Variants in GNG4 observed in about 807,000 individuals in gnomAD.
GNG4 encodes G protein subunit gamma 4.
A neutral mutation model predicts 5.8 loss-of-function variants in GNG4; 4 were observed. The observed-to-expected ratio is 0.69, with a 90% CI of 0.34 to 1.57. The LOEUF is 1.57. GNG4 is among the 40% of genes most tolerant of loss of function. The pLI is 0.06. For missense variants in GNG4, 96 were observed against 95.1 expected (o/e 1.01, Z -0.04); for synonymous variants, 29 against 32.9 (o/e 0.88, Z 0.41).
chr1:235,597,604 G>C (rs868439616), intron 1 of GNG4, among the ~76,000 whole-genome samples: 4,106 of 105,554 alleles, frequency 0.039, 159 homozygotes, highest in Non-Finnish European at 0.051. Flanking sequence ...GTGTGTGTGT[G>C]TGTGTGTGTG....
At chr1:235,636,624 T>G (rs1689045118) in intron 1 of GNG4, among the ~76,000 whole-genome samples, 1 of 152,182 alleles carries the variant, frequency 6.6e-6, no homozygotes, top group South Asian at 2.1e-4. Context: ...GCCTGTGCCC[T>G]GAGATGTTGG....
At chr1:235,569,857 C>T (rs949932354) in intron 3 of GNG4, among the ~76,000 whole-genome samples, 3 of 152,094 alleles carry the variant, frequency 2.0e-5, no homozygotes, top group Non-Finnish European at 2.9e-5. Flanking sequence ...CGAGCCACTG[C>T]GCCTGGCCTC....
intron 3 of GNG4, among the ~76,000 whole-genome samples, chr1:235,563,496 T>C (rs1023975195): frequency 2.0e-5 from 3 of 152,002 alleles, no homozygotes; most frequent in Non-Finnish European, 4.4e-5. Context: ...TGAAGTTATA[T>C]TGATTGATTC....
At chr1:235,584,209 G>A (rs940625315) in intron 2 of GNG4, among the ~76,000 whole-genome samples, 11 of 152,096 alleles carry the variant, frequency 7.2e-5, no homozygotes, top group Admixed American at 6.6e-5. Flanking sequence ...TTTCACACAC[G>A]TTTGCTCATT....
chr1:235,638,114 C>T (rs1392312569), intron 1 of GNG4, among the ~76,000 whole-genome samples: 1 of 152,224 alleles, frequency 6.6e-6, no homozygotes, highest in Admixed American at 6.5e-5. Flanking sequence ...GTTTTTAAAC[C>T]CCTTCCAGGC....
intron 1 of GNG4, among the ~76,000 whole-genome samples, chr1:235,643,050 T>C (rs1052555615): frequency 5.3e-5 from 8 of 152,130 alleles, no homozygotes; most frequent in African/African-American, 1.9e-4. Context: ...GGGGCACCCT[T>C]GGGCGTTATC....
At chr1:235,628,417 G>T (rs552120466) in intron 1 of GNG4, among the ~76,000 whole-genome samples, 2 of 135,134 alleles carry the variant, frequency 1.5e-5, no homozygotes, top group Non-Finnish European at 3.0e-5. Context: ...GTTAGGAGAC[G>T]GGGGGGGGTT....
chr1:235,613,850 G>A (rs1484057735), intron 1 of GNG4, among the ~76,000 whole-genome samples: 1 of 152,196 alleles, frequency 6.6e-6, no homozygotes, highest in Non-Finnish European at 1.5e-5. Flanking sequence ...CAGAGGAAGA[G>A]GGTGTGTGAA....
chr1:235,648,958 A>T lies in GNG4; in HGVS notation c.-123+704T>A, dbSNP rs115178564. On this transcript the variant is annotated intron_variant, in intron 1 of 3. Transcript: ENST00000391854. The surrounding 1 kb of genome is among the most constrained non-coding windows in gnomAD (Gnocchi z 5.0). ...CCCACCACGCTCTGTCCTCCTCCCC[A>T]CTTCACCCTCCCGCCGTTTCGCGTT... Among the ~76,000 whole-genome samples the T allele has an allele frequency of 0.027, 4,045 of 152,238 alleles. 194 individuals are homozygous for T. Among genetic ancestry groups the T allele is most frequent in the African/African-American group, 0.093 (3,875 of 41,538 alleles).
At chr1:235,598,527 T>C (rs1473193473) in intron 1 of GNG4, among the ~76,000 whole-genome samples, 2 of 152,246 alleles carry the variant, frequency 1.3e-5, no homozygotes, top group Admixed American at 6.5e-5. Flanking sequence ...GAGGATCGCC[T>C]GAGCCTGGAA....
At chr1:235,584,068 C>T (rs1687706234) in intron 2 of GNG4, among the ~76,000 whole-genome samples, 1 of 152,128 alleles carries the variant, frequency 6.6e-6, no homozygotes, top group Non-Finnish European at 1.5e-5. Flanking sequence ...TTCTCAGTCC[C>T]GGGGACAGTG....
intron 1 of GNG4, chr1:235,616,129 AC>A: frequency 2.1e-6 from 1 of 476,468 alleles, no homozygotes; most frequent in Admixed American, 2.3e-5. Context: ...GTCTTCTTCA[AC>A]CCCCTTCCGC....
intron 3 of GNG4, among the ~76,000 whole-genome samples, chr1:235,572,415 G>A (rs1314514302): frequency 6.6e-6 from 1 of 152,002 alleles, no homozygotes; most frequent in Non-Finnish European, 1.5e-5. Flanking sequence ...GGCCAGGCTG[G>A]TCTCAAACTC....
chr1:235,598,984 C>T (rs1393128779), intron 1 of GNG4, among the ~76,000 whole-genome samples: 1 of 152,184 alleles, frequency 6.6e-6, no homozygotes, highest in Non-Finnish European at 1.5e-5. Context: ...GCCTTGGCCT[C>T]CCAAAGTGCT....
intron 2 of GNG4, among the ~76,000 whole-genome samples, chr1:235,594,755 G>A (rs1052116151): frequency 1.3e-5 from 2 of 152,110 alleles, no homozygotes; most frequent in Non-Finnish European, 2.9e-5. Flanking sequence ...GTTCCCGCCC[G>A]TGCCTCTCCC....
At chr1:235,620,810 C>T (rs1234304342) in intron 1 of GNG4, among the ~76,000 whole-genome samples, 1 of 152,228 alleles carries the variant, frequency 6.6e-6, no homozygotes, top group Non-Finnish European at 1.5e-5. Context: ...GCTGGGATTA[C>T]AGGCGTGAGC....
chr1:235,636,246 G>C (rs537160211), intron 1 of GNG4, among the ~76,000 whole-genome samples: 1 of 152,354 alleles, frequency 6.6e-6, no homozygotes, highest in African/African-American at 2.4e-5. Flanking sequence ...CGATTACACA[G>C]AAGTGCAAAG....
intron 1 of GNG4, among the ~76,000 whole-genome samples, chr1:235,603,251 ATAATAATAAT>A (rs1319230698): frequency 4.0e-5 from 5 of 125,772 alleles, no homozygotes; most frequent in African/African-American, 1.2e-4. Context: ...CTCAATAATG[ATAATAATAAT>A]TAATAATAAT....
At chr1:235,602,555 G>A (rs1311793301) in intron 1 of GNG4, among the ~76,000 whole-genome samples, 2 of 152,098 alleles carry the variant, frequency 1.3e-5, no homozygotes, top group Non-Finnish European at 2.9e-5. Flanking sequence ...CTCACTAACC[G>A]ATACAGTATT....
Sources: gnomAD v4.1 joint callset for allele counts (sites outside exome capture counted in the v4.1 genomes callset) on GRCh38, gnomAD v4.1.1 for gene constraint, Gnocchi (gnomAD v3.1) non-coding constraint, MANE v1.5 for transcripts, NCBI Gene and HGNC (gene_info 2026-07-23, HGNC 2026-07-21) for gene names.